Variants in DNAJC1 observed in about 807,000 individuals in gnomAD.
DNAJC1 encodes dnaJ homolog subfamily C member 1.
Under a neutral mutation model 76.6 loss-of-function variants are expected in DNAJC1, and 58 were observed. That is an observed-to-expected ratio of 0.76 (90% CI 0.61 to 0.94). The LOEUF (loss-of-function observed/expected upper bound fraction) is 0.94. DNAJC1 is among the 40% of genes least tolerant of loss of function. The pLI, the probability that DNAJC1 is intolerant of heterozygous loss-of-function variation, is 0.00. For synonymous variants in DNAJC1, 258 were observed against 267.9 expected (o/e 0.96, Z 0.36); for missense variants, 689 against 677.3 (o/e 1.02, Z -0.19).
intron 1 of DNAJC1, among the ~76,000 whole-genome samples, chr10:21,994,604 C>T (rs1315079312): frequency 2.6e-5 from 4 of 152,082 alleles, no homozygotes; most frequent in East Asian, 1.9e-4. Flanking sequence ...CTGGCTAACA[C>T]GGTGAAACCC....
At chr10:21,936,900 T>C (rs967168774) in intron 1 of DNAJC1, among the ~76,000 whole-genome samples, 1 of 151,998 alleles carries the variant, frequency 6.6e-6, no homozygotes, top group African/African-American at 2.4e-5. Flanking sequence ...AGAAAACAAA[T>C]AGCAAAATAG....
chr10:21,797,231 AC>A (rs1234856544), intron 9 of DNAJC1, among the ~76,000 whole-genome samples: 3 of 152,016 alleles, frequency 2.0e-5, no homozygotes, highest in Non-Finnish European at 2.9e-5. Flanking sequence ...TATTCTTGGT[AC>A]CCTTTTGAAG....
intron 9 of DNAJC1, among the ~76,000 whole-genome samples, chr10:21,805,214 T>C (rs771048525): frequency 6.6e-6 from 1 of 152,146 alleles, no homozygotes; most frequent in African/African-American, 2.4e-5. Context: ...GTAAATTTAG[T>C]AAAGCATATT....
At chr10:21,908,408 A>G (rs952854177) in intron 6 of DNAJC1, among the ~76,000 whole-genome samples, 3 of 147,472 alleles carry the variant, frequency 2.0e-5, no homozygotes, top group African/African-American at 7.5e-5. Flanking sequence ...CTATTCTGTA[A>G]GGTATGCTTT....
intron 10 of DNAJC1, among the ~76,000 whole-genome samples, chr10:21,761,030 A>G (rs928125567): frequency 2.0e-5 from 3 of 151,938 alleles, no homozygotes; most frequent in Non-Finnish European, 4.4e-5. Context: ...AATACAAAAA[A>G]TTAGCTGGGC....
intron 1 of DNAJC1, among the ~76,000 whole-genome samples, chr10:21,991,439 A>G (rs1210585111): frequency 6.6e-6 from 1 of 152,250 alleles, no homozygotes. Flanking sequence ...TGAACTTTAT[A>G]CCAATAGCCT....
At chr10:21,793,149 T>C (rs776865465) in intron 9 of DNAJC1, among the ~76,000 whole-genome samples, 2 of 151,926 alleles carry the variant, frequency 1.3e-5, no homozygotes, top group African/African-American at 4.8e-5. Context: ...CTACTAAAAA[T>C]AGAAAAATTA....
chr10:21,798,144 G>T (rs1834769715), intron 9 of DNAJC1, among the ~76,000 whole-genome samples: 1 of 152,146 alleles, frequency 6.6e-6, no homozygotes, highest in Admixed American at 6.5e-5. Flanking sequence ...AGTATACATT[G>T]CTAATTAACG....
intron 6 of DNAJC1, among the ~76,000 whole-genome samples, chr10:21,910,416 A>G (rs528530979): frequency 2.0e-4 from 30 of 152,236 alleles, no homozygotes; most frequent in Admixed American, 7.2e-4. Flanking sequence ...ACCCTTTAAC[A>G]TTCTTGACAT....
chr10:21,782,013 A>T (rs996712284), intron 9 of DNAJC1, among the ~76,000 whole-genome samples: 2 of 152,168 alleles, frequency 1.3e-5, no homozygotes, highest in African/African-American at 4.8e-5. Flanking sequence ...CACATTCAGA[A>T]GCTAGCAGAA....
At chr10:21,865,433 T>C (rs1038747128) in intron 8 of DNAJC1, 1 of 152,140 alleles carries the variant, frequency 6.6e-6, no homozygotes, top group African/African-American at 2.4e-5. Flanking sequence ...CATGAATAAA[T>C]TTCAGACTTA....
chr10:21,935,194 C>A (rs1477494764), intron 1 of DNAJC1, among the ~76,000 whole-genome samples: 1 of 151,930 alleles, frequency 6.6e-6, no homozygotes, highest in African/African-American at 2.4e-5. Context: ...GACTCTAAAT[C>A]AATTATTTTA....
intron 1 of DNAJC1, among the ~76,000 whole-genome samples, chr10:21,956,516 C>T (rs1837685637): frequency 1.3e-5 from 2 of 151,494 alleles, no homozygotes; most frequent in East Asian, 3.9e-4. Context: ...CTTATATATA[C>T]ACATATAAAT....
chr10:21,989,406 A>G (rs1001427137), intron 1 of DNAJC1, among the ~76,000 whole-genome samples: 2 of 152,194 alleles, frequency 1.3e-5, no homozygotes, highest in Non-Finnish European at 2.9e-5. Context: ...CTCTGTAGAC[A>G]AAAACAAAAG....
chr10:21,977,878 G>T (rs1015697939), intron 1 of DNAJC1, among the ~76,000 whole-genome samples: 4 of 151,820 alleles, frequency 2.6e-5, no homozygotes, highest in Admixed American at 6.6e-5. Context: ...AAAACCTACA[G>T]AAAAATAATA....
chr10:21,993,896 C>A (rs575972051), intron 1 of DNAJC1, among the ~76,000 whole-genome samples: 1 of 151,926 alleles, frequency 6.6e-6, no homozygotes, highest in South Asian at 2.1e-4. Flanking sequence ...CCATTTTTAT[C>A]CTGCGGGCAA....
intron 8 of DNAJC1, among the ~76,000 whole-genome samples, chr10:21,871,724 T>G (rs539838575): frequency 1.3e-5 from 2 of 150,936 alleles, no homozygotes; most frequent in Non-Finnish European, 3.0e-5. Context: ...CTCTTCTCAC[T>G]GCAACCTCTG....
intron 8 of DNAJC1, among the ~76,000 whole-genome samples, chr10:21,816,255 G>A (rs969904080): frequency 1.3e-5 from 2 of 151,720 alleles, no homozygotes; most frequent in African/African-American, 4.8e-5. Flanking sequence ...AGCTACTTGG[G>A]TGACTGAGGC....
At chr10:21,766,562 CCTT>C (rs1175916008) in intron 9 of DNAJC1, among the ~76,000 whole-genome samples, 3 of 152,186 alleles carry the variant, frequency 2.0e-5, no homozygotes, top group Non-Finnish European at 4.4e-5. Context: ...TCCCTAGACT[CCTT>C]CTAGTTCAAT....
Sources: allele counts gnomAD v4.1 joint callset (sites outside exome capture counted in the v4.1 genomes callset), GRCh38; gene constraint gnomAD v4.1.1; transcripts MANE v1.5; gene names NCBI Gene and HGNC (gene_info 2026-07-23, HGNC 2026-07-21).